Variants in GLIS3 observed in about 807,000 individuals in gnomAD.
GLIS3 encodes the protein zinc finger protein GLIS3.
Under a neutral mutation model 78.6 loss-of-function variants are expected in GLIS3, and 53 were observed. That is an observed-to-expected ratio of 0.67 (90% confidence interval 0.54 to 0.85). The LOEUF is 0.85. Ranked by LOEUF, GLIS3 falls within the 40% of genes least tolerant of loss-of-function variation. GLIS3 has a pLI of 0.00. For missense variants in GLIS3, 1,703 were observed against 1,231.1 expected, an observed-to-expected ratio of 1.38 and a Z score of -5.74; for synonymous variants, 684 against 509.9, an observed-to-expected ratio of 1.34 and a Z score of -4.60.
intron 2 of GLIS3, among the ~76,000 whole-genome samples, chr9:4,264,214 A>C (rs892053472): frequency 7.2e-5 from 11 of 152,194 alleles, no homozygotes; most frequent in African/African-American, 2.4e-4. Context: ...AGAGGTATTC[A>C]CTGATTCTTC....
At chr9:4,048,851 G>A (rs907317703) in intron 4 of GLIS3, among the ~76,000 whole-genome samples, 5 of 152,222 alleles carry the variant, frequency 3.3e-5, no homozygotes, top group African/African-American at 4.8e-5. Context: ...ACATTTGAGC[G>A]CTTTTCTAGA....
rs375846555 is a variant in GLIS3 at position 4,140,179 on chromosome 9, C to T, written c.389-14238G>A. On this transcript the variant is annotated intron_variant, in intron 2 of 10. Coordinates refer to ENST00000381971, the MANE Select transcript of GLIS3 (RefSeq NM_001042413.2). ...TCTCCACAAAAAATACAAAAATTAGCCAGGCATGGTGGCGCGTGCCTATAA... is the reference window on the plus strand; with the variant it reads ...TCTCCACAAAAAATACAAAAATTAGTCAGGCATGGTGGCGCGTGCCTATAA... 1.5e-3 allele frequency among the ~76,000 whole-genome samples: 227 copies of T among 152,200 alleles called. 2 individuals are homozygous for T. Among genetic ancestry groups the T allele is most frequent in the African/African-American group, 5.1e-3 (212 of 41,532 alleles).
chr9:4,372,681 G>T, the GLIS3 span, among the ~76,000 whole-genome samples: 1 of 152,066 alleles, frequency 6.6e-6, no homozygotes, highest in African/African-American at 2.4e-5. Context: ...AGAAAGTCTT[G>T]TGGCTTGGGG....
intron 7 of GLIS3, among the ~76,000 whole-genome samples, chr9:3,898,023 A>C (rs975374301): frequency 6.6e-6 from 1 of 152,254 alleles, no homozygotes; most frequent in Non-Finnish European, 1.5e-5. Context: ...TTGCATAAGT[A>C]TATCACCATT....
chr9:4,422,875 G>A, the GLIS3 span, among the ~76,000 whole-genome samples: 1 of 152,286 alleles, frequency 6.6e-6, no homozygotes. Context: ...CCCTGAGATA[G>A]AAAAAGTAAA....
chr9:3,843,471 T>G (rs1462176867), intron 9 of GLIS3, among the ~76,000 whole-genome samples: 1 of 152,192 alleles, frequency 6.6e-6, no homozygotes, highest in Non-Finnish European at 1.5e-5. Flanking sequence ...GGAAAGTGGA[T>G]GTTGTATTTG....
intron 4 of GLIS3, among the ~76,000 whole-genome samples, chr9:3,968,497 T>C (rs114838518): frequency 0.017 from 2,592 of 152,310 alleles, 82 homozygotes; most frequent in African/African-American, 0.06. Flanking sequence ...AATCCGTCTA[T>C]ACAAAATGCT....
At chr9:4,367,550 C>G in the GLIS3 span, among the ~76,000 whole-genome samples, 2 of 142,582 alleles carry the variant, frequency 1.4e-5, no homozygotes, top group Non-Finnish European at 3.0e-5. Context: ...TTCTCTGTAG[C>G]TTGAACCCGG....
chr9:4,410,408 G>C, the GLIS3 span, among the ~76,000 whole-genome samples: 1 of 151,984 alleles, frequency 6.6e-6, no homozygotes. Flanking sequence ...TACAGTTGTA[G>C]GCCAAAAAGG....
At chr9:4,203,917 G>A (rs1280335891) in intron 2 of GLIS3, among the ~76,000 whole-genome samples, 1 of 152,156 alleles carries the variant, frequency 6.6e-6, no homozygotes, top group African/African-American at 2.4e-5. Context: ...GGGTACTCAT[G>A]GACATTAAGA....
the GLIS3 span, among the ~76,000 whole-genome samples, chr9:4,470,842 T>C: frequency 7.6e-4 from 116 of 152,052 alleles, 1 homozygote; most frequent in South Asian, 0.019. Flanking sequence ...CATGATTGTA[T>C]ATCTAGAAAA....
intron 4 of GLIS3, among the ~76,000 whole-genome samples, chr9:4,307,928 C>T (rs11999334): frequency 1.8e-4 from 28 of 152,210 alleles, no homozygotes; most frequent in African/African-American, 3.9e-4. Flanking sequence ...GATAGAATTG[C>T]GGGTTGTTTA....
At chr9:4,461,236 C>T in the GLIS3 span, among the ~76,000 whole-genome samples, 1 of 152,194 alleles carries the variant, frequency 6.6e-6, no homozygotes. Context: ...TTTGTGTTTA[C>T]TTCATGGGTA....
intron 9 of GLIS3, among the ~76,000 whole-genome samples, chr9:3,854,931 G>A (rs116518986): frequency 2.0e-4 from 31 of 152,264 alleles, no homozygotes; most frequent in African/African-American, 7.0e-4. Flanking sequence ...TTTGCATATT[G>A]ATTTAGATTT....
chr9:4,427,500 C>A, the GLIS3 span, among the ~76,000 whole-genome samples: 10 of 152,106 alleles, frequency 6.6e-5, no homozygotes, highest in Non-Finnish European at 1.5e-4. Flanking sequence ...GAAGCCCAGT[C>A]CCAGATAACA....
chr9:4,010,058 C>G (rs952662595), intron 4 of GLIS3, among the ~76,000 whole-genome samples: 2 of 152,084 alleles, frequency 1.3e-5, no homozygotes, highest in Non-Finnish European at 2.9e-5. Flanking sequence ...TCCCTGGCCT[C>G]TCCTCACTAG....
At chr9:4,191,059 G>C (rs1023720428) in intron 2 of GLIS3, among the ~76,000 whole-genome samples, 2 of 151,726 alleles carry the variant, frequency 1.3e-5, no homozygotes, top group African/African-American at 4.8e-5. Context: ...GGAACAACTG[G>C]TACCAGCCAC....
At chr9:4,354,388 G>A in the GLIS3 span, among the ~76,000 whole-genome samples, 1 of 152,148 alleles carries the variant, frequency 6.6e-6, no homozygotes, top group African/African-American at 2.4e-5. Flanking sequence ...CAGGCATGGG[G>A]TCCCTAGCCA....
At chr9:4,303,921 A>G (rs778193183), upstream of GLIS3, among the ~76,000 whole-genome samples, 2 of 152,246 alleles carry the variant, frequency 1.3e-5, no homozygotes, top group Non-Finnish European at 2.9e-5. Flanking sequence ...GGCCAACTAT[A>G]TGTGATGTTG....
Sources: allele counts gnomAD v4.1 joint callset (sites outside exome capture counted in the v4.1 genomes callset), GRCh38; gene constraint gnomAD v4.1.1; transcripts MANE v1.5; gene names NCBI Gene and HGNC (gene_info 2026-07-23, HGNC 2026-07-21).